POU2F2: variants seen among roughly 807,000 people sequenced by gnomAD.
POU2F2 encodes the protein POU domain, class 2, transcription factor 2.
Under a neutral mutation model 63.5 loss-of-function variants are expected in POU2F2, and 14 were observed. The observed-to-expected ratio is 0.22, with a 90% confidence interval of 0.15 to 0.34. The LOEUF (loss-of-function observed/expected upper bound fraction) is 0.34. Ranked by LOEUF, POU2F2 falls within the 10% of genes least tolerant of loss-of-function variation. The probability of loss-of-function intolerance (pLI) is 1.00; values close to 1 mark genes in which losing one functional copy is unlikely to be tolerated. For synonymous variants in POU2F2, 306 were observed against 348.6 expected, an observed-to-expected ratio of 0.88 and a Z score of 1.36; for missense variants, 607 against 815.2, an observed-to-expected ratio of 0.74 and a Z score of 3.11.
In POU2F2 at chr19:42,117,626, C is replaced by G. The variant is rs2032091591; in HGVS notation, c.187-194G>C. 6.6e-6 allele frequency among the ~76,000 whole-genome samples: 1 copy of G among 152,120 alleles called. No individual in the cohort carries two copies. The highest frequency in any genetic ancestry group is 2.4e-5 in the African/African-American group (1 of 41,416). Reference sequence around the variant, plus strand: ...ACAACACCTGCACCCAAACTCCCTACAGAAGTCGCCTTTGCAGAGCACTTT... The same window carrying G: ...ACAACACCTGCACCCAAACTCCCTAGAGAAGTCGCCTTTGCAGAGCACTTT... On this transcript the variant is annotated intron_variant, in intron 4 of 14. Transcript: ENST00000692977. The surrounding 1 kb of genome is among the most constrained non-coding windows in gnomAD (Gnocchi z 4.4).
At chr19:42,192,592 C>T (rs1471476293) in intron 1 of POU2F2, among the ~76,000 whole-genome samples, 2 of 152,110 alleles carry the variant, frequency 1.3e-5, no homozygotes, top group Admixed American at 1.3e-4. Flanking sequence ...TAACCTAATG[C>T]TTCTTTTAAA....
chr19:42,113,660 G>A (rs1269423122), intron 5 of POU2F2, among the ~76,000 whole-genome samples: 1 of 152,226 alleles, frequency 6.6e-6, no homozygotes, highest in East Asian at 1.9e-4. Flanking sequence ...TCCACTGCAG[G>A]ACGGGGAGCC....
intron 12 of POU2F2, chr19:42,093,605 C>T: frequency 7.4e-6 from 3 of 404,554 alleles, no homozygotes; most frequent in Non-Finnish European, 1.3e-5. Flanking sequence ...TTTACCAGGC[C>T]CATGCTTTTC....
chr19:42,093,920 G>A, intron 11 of POU2F2, 25 bp from the exon 12 acceptor site: 5 of 1,593,928 alleles, frequency 3.1e-6, no homozygotes, highest in African/African-American at 1.3e-5. Context: ...AAGGAGGTGT[G>A]GTTAGCCACT....
intron 1 of POU2F2, among the ~76,000 whole-genome samples, chr19:42,163,447 G>C (rs756627013): frequency 1.3e-5 from 2 of 152,148 alleles, no homozygotes; most frequent in African/African-American, 2.4e-5. Context: ...CTCAGGGAGG[G>C]GGGCAGCGGA....
At chr19:42,101,954 G>C (rs1234563241) in intron 5 of POU2F2, among the ~76,000 whole-genome samples, 2 of 149,440 alleles carry the variant, frequency 1.3e-5, no homozygotes, top group East Asian at 3.9e-4. Context: ...TCCAGCTCGG[G>C]CAACAGTATG....
intron 1 of POU2F2, among the ~76,000 whole-genome samples, chr19:42,130,952 T>C (rs1163969129): frequency 5.3e-5 from 3 of 57,098 alleles, no homozygotes; most frequent in Non-Finnish European, 9.6e-5. Flanking sequence ...TCTACCTATG[T>C]CCCCCCATCC....
At chr19:42,114,642 G>T (rs771788926) in intron 5 of POU2F2, among the ~76,000 whole-genome samples, 7 of 152,164 alleles carry the variant, frequency 4.6e-5, no homozygotes, top group African/African-American at 9.7e-5. Context: ...CAGCAGCCGC[G>T]GATCATGTGG....
chr19:42,116,958 G>A (rs1167450345), intron 5 of POU2F2: 1 of 597,856 alleles, frequency 1.7e-6, no homozygotes, highest in Admixed American at 2.2e-5. Flanking sequence ...GCTGGGCCTG[G>A]GCTTGCTGCA....
intron 1 of POU2F2, among the ~76,000 whole-genome samples, chr19:42,171,962 GTGTGA>G (rs1377173540): frequency 6.6e-6 from 1 of 152,184 alleles, no homozygotes; most frequent in East Asian, 1.9e-4. Flanking sequence ...GTGTATGTGT[GTGTGA>G]TTGCAGGCAT....
intron 1 of POU2F2, among the ~76,000 whole-genome samples, chr19:42,166,637 G>C (rs924384542): frequency 6.6e-6 from 1 of 152,122 alleles, no homozygotes; most frequent in Non-Finnish European, 1.5e-5. Context: ...TGTGCGTCAG[G>C]GGGTGAGCAG....
chr19:42,093,059 A>G (rs1365893531), intron 12 of POU2F2, among the ~76,000 whole-genome samples: 1 of 132,842 alleles, frequency 7.5e-6, no homozygotes, highest in African/African-American at 2.8e-5. Flanking sequence ...TCACCAGGCT[A>G]GAGTGCAGTG....
At chr19:42,102,935 G>A (rs1220714954) in intron 5 of POU2F2, among the ~76,000 whole-genome samples, 1 of 151,876 alleles carries the variant, frequency 6.6e-6, no homozygotes, top group Non-Finnish European at 1.5e-5. Context: ...CTGCCTACAA[G>A]TCCCTTTATA....
chr19:42,131,056 G>C (rs1430428471), intron 1 of POU2F2, among the ~76,000 whole-genome samples: 2 of 42,388 alleles, frequency 4.7e-5, no homozygotes, highest in African/African-American at 2.0e-4. Context: ...CTCTACCTTT[G>C]TCCCCCCATC....
rs1168708025 is a variant in POU2F2, at chr19:42,117,121, C to G, written c.369+129G>C. Reference sequence around the variant, plus strand: ...TAAGGGGACAAGACCTCCTAGAGGACAGAAGAGGGCAAGAGGCAGGTGTGA... The same window carrying G: ...TAAGGGGACAAGACCTCCTAGAGGAGAGAAGAGGGCAAGAGGCAGGTGTGA... On this transcript the variant is annotated intron_variant, in intron 5 of 14. Coordinates refer to ENST00000692977, the MANE Select transcript of POU2F2 (RefSeq NM_001394376.1). The surrounding 1 kb of genome is among the most constrained non-coding windows in gnomAD (Gnocchi z 4.4). 7 of 789,588 alleles carry G rather than the reference C, an allele frequency of 8.9e-6. No individual in the cohort carries two copies. Among genetic ancestry groups the G allele is most frequent in the African/African-American group, 1.8e-5 (1 of 55,720 alleles). 48.9% of individuals were successfully genotyped at this position (789,588 alleles called of 1,614,324 possible).
At chr19:42,178,512 A>G (rs1212873890), upstream of POU2F2, among the ~76,000 whole-genome samples, 1 of 152,226 alleles carries the variant, frequency 6.6e-6, no homozygotes, top group Non-Finnish European at 1.5e-5. Flanking sequence ...TAAGAGATAT[A>G]GACCTGCGGA....
intron 1 of POU2F2, among the ~76,000 whole-genome samples, chr19:42,165,309 C>A (rs995028121): frequency 6.6e-6 from 1 of 152,184 alleles, no homozygotes; most frequent in Non-Finnish European, 1.5e-5. Flanking sequence ...ATAGAGTGGG[C>A]GGGGTAGTAC....
chr19:42,091,847 T>TGACATGA lies in POU2F2; in HGVS notation c.1540+13_1540+19dup. 1 of 1,538,916 alleles carries TGACATGA rather than the reference T, an allele frequency of 6.5e-7. No homozygotes were observed. Among genetic ancestry groups the TGACATGA allele is most frequent in the Non-Finnish European group, 8.7e-7 (1 of 1,146,868 alleles). On this transcript the variant is annotated intron_variant, in intron 14 of 14. Coordinates refer to ENST00000692977, the MANE Select transcript of POU2F2 (RefSeq NM_001394376.1). ...AGGATAGGGCTGGTGACGATGGGTG[T>TGACATGA]GACATGAGGCAGCACGCACCTTGGA...
chr19:42,181,661 T>C (rs905966589), intron 1 of POU2F2, among the ~76,000 whole-genome samples: 3 of 152,010 alleles, frequency 2.0e-5, no homozygotes, highest in Non-Finnish European at 4.4e-5. Flanking sequence ...ATCTCGGCTC[T>C]CTGCAACCTC....
Sources: gnomAD v4.1 joint callset for allele counts (sites outside exome capture counted in the v4.1 genomes callset) on GRCh38, gnomAD v4.1.1 for gene constraint, Gnocchi (gnomAD v3.1) non-coding constraint, MANE v1.5 for transcripts, NCBI Gene and HGNC (gene_info 2026-07-23, HGNC 2026-07-21) for gene names.